The following MACROD2 variants were observed in gnomAD, a reference collection of about 807,000 sequenced individuals.
The protein encoded by MACROD2 is mono-ADP ribosylhydrolase 2, also known as ADP-ribose glycohydrolase MACROD2.
MACROD2 carries 36 observed loss-of-function variants against 70.4 expected under a neutral mutation model. The observed-to-expected ratio is 0.51, with a 90% CI of 0.39 to 0.68. The LOEUF (loss-of-function observed/expected upper bound fraction) is 0.68, where lower values mean the gene tolerates loss of function less well. MACROD2 is among the 30% of genes least tolerant of loss of function. The pLI is 0.00. For synonymous variants in MACROD2, 172 were observed against 178.8 expected (o/e 0.96, Z 0.30); for missense variants, 496 against 538.4 (o/e 0.92, Z 0.78).
At chr20:15,292,753 A>G (rs1203159813) in intron 6 of MACROD2, among the ~76,000 whole-genome samples, 3 of 152,210 alleles carry the variant, frequency 2.0e-5, no homozygotes, top group African/African-American at 7.2e-5. Flanking sequence ...TAACTGAAAT[A>G]ATGGATGTTA....
chr20:14,458,724 G>GA (rs1292532101), intron 3 of MACROD2, among the ~76,000 whole-genome samples: 10 of 151,356 alleles, frequency 6.6e-5, no homozygotes, highest in African/African-American at 2.2e-4. Context: ...TAAAAGAAGG[G>GA]AAAAAAAAGG....
intron 4 of MACROD2, among the ~76,000 whole-genome samples, chr20:14,528,153 A>G (rs1169861468): frequency 1.4e-5 from 2 of 146,332 alleles, no homozygotes; most frequent in East Asian, 4.0e-4. Flanking sequence ...CTCATTGCCC[A>G]GGCTGGAGAG....
At chr20:14,608,127 G>A (rs1466126645) in intron 4 of MACROD2, among the ~76,000 whole-genome samples, 1 of 151,908 alleles carries the variant, frequency 6.6e-6, no homozygotes, top group Non-Finnish European at 1.5e-5. Flanking sequence ...ATAGTGGCAG[G>A]CACCTCTAAT....
intron 6 of MACROD2, among the ~76,000 whole-genome samples, chr20:15,286,859 T>G (rs1186585198): frequency 6.6e-6 from 1 of 152,114 alleles, no homozygotes; most frequent in Non-Finnish European, 1.5e-5. Flanking sequence ...TCTTGGTAAA[T>G]TTGTAGAACC....
intron 5 of MACROD2, among the ~76,000 whole-genome samples, chr20:14,747,328 A>G (rs1280517832): frequency 1.3e-5 from 2 of 152,158 alleles, no homozygotes; most frequent in East Asian, 1.9e-4. Flanking sequence ...ACAGGGGACT[A>G]TGTAATAGAG....
At chr20:14,523,457 A>T (rs371255070) in intron 4 of MACROD2, 9 of 152,140 alleles carry the variant, frequency 5.9e-5, no homozygotes, top group Admixed American at 4.6e-4. Context: ...GGGGTAATGT[A>T]TGTGCCACCT....
chr20:14,481,869 A>C (rs1161828233), intron 3 of MACROD2, among the ~76,000 whole-genome samples: 2 of 152,230 alleles, frequency 1.3e-5, no homozygotes, highest in African/African-American at 4.8e-5. Context: ...ATAAAGATCA[A>C]ATCTTAAACA....
chr20:15,842,188 C>T (rs1485927869), intron 8 of MACROD2, among the ~76,000 whole-genome samples: 1 of 152,088 alleles, frequency 6.6e-6, no homozygotes, highest in Non-Finnish European at 1.5e-5. Context: ...TTAAGGACCA[C>T]CTACTGTCAG....
At chr20:15,783,457 A>G (rs2051869745) in intron 8 of MACROD2, among the ~76,000 whole-genome samples, 1 of 152,088 alleles carries the variant, frequency 6.6e-6, no homozygotes, top group Admixed American at 6.5e-5. Context: ...GTTTCTACCT[A>G]TCACTCTGGG....
chr20:15,092,126 A>T (rs1369470769), intron 5 of MACROD2, among the ~76,000 whole-genome samples: 1 of 152,108 alleles, frequency 6.6e-6, no homozygotes, highest in Non-Finnish European at 1.5e-5. Flanking sequence ...AATGAAATGT[A>T]ATTTTCTTCA....
At chr20:15,908,310 C>T (rs2065180427) in intron 10 of MACROD2, among the ~76,000 whole-genome samples, 1 of 152,196 alleles carries the variant, frequency 6.6e-6, no homozygotes, top group African/African-American at 2.4e-5. Flanking sequence ...CCCAAGGACA[C>T]AGCACTTGCG....
chr20:15,061,038 G>T (rs1253438308), intron 5 of MACROD2, among the ~76,000 whole-genome samples: 1 of 152,170 alleles, frequency 6.6e-6, no homozygotes, highest in Non-Finnish European at 1.5e-5. Context: ...TTCAATAAAA[G>T]TCAAGATGGT....
intron 5 of MACROD2, among the ~76,000 whole-genome samples, chr20:15,090,037 T>G (rs1452521943): frequency 6.6e-6 from 1 of 152,104 alleles, no homozygotes; most frequent in African/African-American, 2.4e-5. Flanking sequence ...GATCAGTGTG[T>G]GCTGAGATGT....
chr20:15,364,489 G>T (rs2045377339), intron 6 of MACROD2, among the ~76,000 whole-genome samples: 1 of 152,188 alleles, frequency 6.6e-6, no homozygotes, highest in African/African-American at 2.4e-5. Context: ...TAGTGTTGGA[G>T]AAATGGTTTC....
At chr20:14,881,027 C>T (rs2073605414) in intron 5 of MACROD2, among the ~76,000 whole-genome samples, 1 of 152,122 alleles carries the variant, frequency 6.6e-6, no homozygotes, top group Non-Finnish European at 1.5e-5. Context: ...TGCATGAGTC[C>T]TTGAAAGCAA....
chr20:15,856,632 C>T lies in MACROD2; in HGVS notation c.646-6113C>T, dbSNP rs73248350. On this transcript the variant is annotated intron_variant, in intron 8 of 17. Transcript: ENST00000684519. ...ACAGAGCTCCTATTATGTGTCAGGA[C>T]CTATGCTATGCACTGGTGATGCAAA... 7.1e-3 allele frequency among the ~76,000 whole-genome samples: 1,080 copies of T among 152,272 alleles called. 8 individuals are homozygous for T. Among genetic ancestry groups the T allele is most frequent in the African/African-American group, 0.024 (1,000 of 41,554 alleles).
intron 7 of MACROD2, among the ~76,000 whole-genome samples, chr20:15,453,872 G>T (rs1247883645): frequency 6.6e-6 from 1 of 152,112 alleles, no homozygotes; most frequent in East Asian, 1.9e-4. Context: ...ATCTCATGGC[G>T]AGAGAAGCTT....
At chr20:14,134,388 T>A (rs1369407567) in intron 3 of MACROD2, among the ~76,000 whole-genome samples, 1 of 152,268 alleles carries the variant, frequency 6.6e-6, no homozygotes, top group East Asian at 1.9e-4. Flanking sequence ...CTAACCACTT[T>A]GATCTTATTA....
chr20:15,140,879 A>G (rs370760169), intron 5 of MACROD2, among the ~76,000 whole-genome samples: 16 of 152,218 alleles, frequency 1.1e-4, no homozygotes, highest in Non-Finnish European at 2.1e-4. Context: ...CCATAATGAC[A>G]GTAACTGCCT....
Sources: gnomAD v4.1 joint callset for allele counts (sites outside exome capture counted in the v4.1 genomes callset) on GRCh38, gnomAD v4.1.1 for gene constraint, MANE v1.5 for transcripts, NCBI Gene and HGNC (gene_info 2026-07-23, HGNC 2026-07-21) for gene names.